Variants in FAT4 observed in about 807,000 individuals in gnomAD.
FAT4 encodes FAT atypical cadherin 4, also known as protocadherin Fat 4.
In FAT4, 84 loss-of-function variants were observed where a neutral mutation model predicts 303.9. That is an observed-to-expected ratio of 0.28 (90% CI 0.23 to 0.33). FAT4 has a LOEUF of 0.33. FAT4 is among the 10% of genes least tolerant of loss of function. The pLI, the probability that FAT4 is intolerant of heterozygous loss-of-function variation, is 1.00. For synonymous variants in FAT4, 2,307 were observed against 2,298.8 expected (o/e 1.00, Z -0.10); for missense variants, 6,005 against 6,146.8 (o/e 0.98, Z 0.77).
At chr4:125,420,139 T>C (rs961534176) in intron 7 of FAT4, among the ~76,000 whole-genome samples, 1 of 152,200 alleles carries the variant, frequency 6.6e-6, no homozygotes, top group African/African-American at 2.4e-5. Flanking sequence ...CCCTTTCCCT[T>C]TTCCCAGTGT....
intron 2 of FAT4, among the ~76,000 whole-genome samples, chr4:125,357,310 A>G (rs1205888501): frequency 6.6e-6 from 1 of 152,136 alleles, no homozygotes; most frequent in African/African-American, 2.4e-5. Flanking sequence ...GAATTTAGGC[A>G]AATGTACAGT....
chr4:125,437,003 C>T (rs796719464), intron 8 of FAT4, among the ~76,000 whole-genome samples: 6 of 151,944 alleles, frequency 3.9e-5, no homozygotes, highest in South Asian at 2.1e-4. Context: ...TACAGGTGCA[C>T]GCCACCACAC....
intron 2 of FAT4, among the ~76,000 whole-genome samples, chr4:125,363,450 AT>A (rs957153485): frequency 8.6e-5 from 13 of 151,282 alleles, no homozygotes; most frequent in South Asian, 2.1e-4. Context: ...TGTTAGTTTA[AT>A]TTTTTTTATT....
In FAT4 at chr4:125,340,642, A is replaced by G. The variant is rs1046492326; in HGVS notation, c.5175+19056A>G. ...TTAATAGGTTAGGTCATATATAAGA[A>G]TTTAATTACACATTTGCAAATTTAG... On this transcript the variant is annotated intron_variant, in intron 2 of 17. Transcript: ENST00000394329. 2.6e-5 allele frequency among the ~76,000 whole-genome samples: 4 copies of G among 152,188 alleles called. No individual in the cohort carries two copies. The East Asian group carries it at 7.7e-4, about 29-fold the overall frequency.
In FAT4 at chr4:125,319,014, C is replaced by T; in HGVS notation, c.2603C>T (p.Ala868Val). 1 of 1,614,116 alleles carries T rather than the reference C, an allele frequency of 6.2e-7. No homozygotes were observed. The highest frequency in any genetic ancestry group is 1.7e-5 in the Admixed American group (1 of 60,016). The change falls in exon 2 of 18, where the codon GCC becomes GTC. Residue 868 changes from alanine (A) to valine (V), a missense_variant. Coordinates refer to ENST00000394329, the MANE Select transcript of FAT4 (RefSeq NM_001291303.3). Reference protein sequence around the residue: ...EQSFYQLKVVASGGTVTGDTM... With the variant: ...EQSFYQLKVVVSGGTVTGDTM... ...TCCTTTTATCAGCTGAAGGTAGTGGCCAGTGGGGGCACAGTGACTGGAGAC... is the reference window on the plus strand; with the variant it reads ...TCCTTTTATCAGCTGAAGGTAGTGGTCAGTGGGGGCACAGTGACTGGAGAC...
chr4:125,486,420 A>G (rs1381663624), intron 16 of FAT4, among the ~76,000 whole-genome samples: 1 of 152,188 alleles, frequency 6.6e-6, no homozygotes, highest in Non-Finnish European at 1.5e-5. Context: ...TGTTTGTTAC[A>G]TGTAGAAATA....
chr4:125,318,196 T>C lies in FAT4; in HGVS notation c.1785T>C (p.Asn595=), dbSNP rs1323025687. The C allele has an allele frequency of 6.2e-7, 1 of 1,614,168 alleles. No homozygotes were observed. The change falls in exon 2 of 18, where the codon AAT becomes AAC. Residue 595 remains asparagine (N), a synonymous_variant. Transcript: ENST00000394329. ...GGTATGATGTGTCTGTGGTTGAGAATGCCCCAACAGGGACAGAACTGTTGA... is the reference window on the plus strand; with the variant it reads ...GGTATGATGTGTCTGTGGTTGAGAACGCCCCAACAGGGACAGAACTGTTGA... ...PEGYDVSVVE[N]APTGTELLML... is the part of the protein sequence containing the mutation.
At chr4:125,479,331 C>G (rs1161079287) in intron 14 of FAT4, among the ~76,000 whole-genome samples, 1 of 152,060 alleles carries the variant, frequency 6.6e-6, no homozygotes. Flanking sequence ...TACTTCCATG[C>G]TTAGAACAGT....
chr4:125,360,966 T>TTTA (rs930920090), intron 2 of FAT4, among the ~76,000 whole-genome samples: 1 of 147,396 alleles, frequency 6.8e-6, no homozygotes, highest in African/African-American at 2.4e-5. Context: ...TATTTATATT[T>TTTA]TTATTATTAT....
intron 2 of FAT4, among the ~76,000 whole-genome samples, chr4:125,370,700 A>G (rs1248901965): frequency 6.6e-6 from 1 of 152,182 alleles, no homozygotes; most frequent in Non-Finnish European, 1.5e-5. Flanking sequence ...TTAAAGTTTC[A>G]CTGGTGATAT....
chr4:125,404,608 A>G (rs1509293), intron 3 of FAT4, among the ~76,000 whole-genome samples: 150,494 of 152,234 alleles, frequency 0.99, 74,406 homozygotes, highest in East Asian at 1. Flanking sequence ...GCCCTTTTAA[A>G]AGATTTCTAA....
chr4:125,480,383 C>A lies in FAT4; in HGVS notation c.12604+518C>A, dbSNP rs1168292283. On this transcript the variant is annotated intron_variant, in intron 15 of 17. Transcript: ENST00000394329. ...TGAATATTACTTTTTAAAATCCTTT[C>A]ATCATTGTCTTCTAAGCCTAATGTT... 2.0e-5 allele frequency among the ~76,000 whole-genome samples: 3 copies of A among 152,204 alleles called. No homozygotes were observed. The East Asian group carries it at 5.8e-4, about 29-fold the overall frequency.
At position 125,319,433 on chromosome 4, in the gene FAT4, T is replaced by A. The variant is rs773360581; in HGVS notation, c.3022T>A (p.Ser1008Thr). Residue 1008 changes from serine to threonine, a missense_variant, in exon 2 of 18, where the codon TCA (serine) becomes ACA (threonine). Transcript: ENST00000394329. Reference sequence around the variant, plus strand: ...CTCTTATGAAGTCACCCTTTCTGAGTCAGAACCTGTGAATTCTCGATTCTT... The same window carrying A: ...CTCTTATGAAGTCACCCTTTCTGAGACAGAACCTGTGAATTCTCGATTCTT... ...QLSYEVTLSE[S>T]EPVNSRFFKV... 8.1e-6 allele frequency: 13 copies of A among 1,613,658 alleles called. No homozygotes were observed. The South Asian group carries it at 1.2e-4, about 15-fold the overall frequency.
intron 3 of FAT4, among the ~76,000 whole-genome samples, 172 bp downstream of exon 3, chr4:125,399,087 AC>A: frequency 6.6e-6 from 1 of 152,272 alleles, no homozygotes; most frequent in South Asian, 2.1e-4. Flanking sequence ...AAAAGAGATT[AC>A]TATCAAGAGG....
At chr4:125,340,536 G>A (rs985998246) in intron 2 of FAT4, among the ~76,000 whole-genome samples, 9 of 152,238 alleles carry the variant, frequency 5.9e-5, no homozygotes, top group African/African-American at 2.2e-4. Context: ...ACAGGCGCCC[G>A]CCACCACGCC....
At chr4:125,393,525 A>T (rs957429312) in intron 2 of FAT4, among the ~76,000 whole-genome samples, 2 of 152,188 alleles carry the variant, frequency 1.3e-5, no homozygotes, top group Admixed American at 1.3e-4. Context: ...TGAAACATTT[A>T]AAAAATTAAT....
rs1730697996 is a variant in FAT4, at chr4:125,317,817, A to G, written c.1406A>G (p.Asn469Ser). ...CTGGTGATTTTTGTTAATGACATCA[A>G]TGACCATCCTCCTGTCTTTTCACAG... ...ASLVIFVNDINDHPPVFSQQV... is the reference protein window; with the variant it reads ...ASLVIFVNDISDHPPVFSQQV... The change falls in exon 2 of 18, where the codon AAT becomes AGT. Residue 469 changes from asparagine (N) to serine (S), a missense_variant. Transcript: ENST00000394329. The surrounding 1 kb of genome is among the most constrained non-coding windows in gnomAD (Gnocchi z 7.0). The G allele has an allele frequency of 2.5e-6, 4 of 1,614,046 alleles. No individual in the cohort carries two copies. Among genetic ancestry groups the G allele is most frequent in the Non-Finnish European group, 3.4e-6 (4 of 1,180,038 alleles).
intron 2 of FAT4, among the ~76,000 whole-genome samples, chr4:125,397,944 A>G (rs1247816749): frequency 6.6e-6 from 1 of 152,110 alleles, no homozygotes; most frequent in East Asian, 1.9e-4. Flanking sequence ...TAAATGGATG[A>G]CTTAATTTTG....
intron 13 of FAT4, 107 bp from the exon 14 acceptor site, chr4:125,477,048 A>G: frequency 1.2e-6 from 1 of 832,680 alleles, no homozygotes; most frequent in East Asian, 3.3e-5. Context: ...TTATCACACT[A>G]TAATAAATGT....
Sources: allele counts gnomAD v4.1 joint callset (sites outside exome capture counted in the v4.1 genomes callset), GRCh38; gene constraint gnomAD v4.1.1; non-coding constraint Gnocchi (gnomAD v3.1); transcripts MANE v1.5; gene names NCBI Gene and HGNC (gene_info 2026-07-23, HGNC 2026-07-21).